Variants in ZNF536 observed in about 807,000 individuals in gnomAD.
ZNF536 encodes the protein zinc finger protein 536.
A neutral mutation model predicts 84.5 loss-of-function variants in ZNF536; 13 were observed. The observed-to-expected ratio is 0.15, with a 90% CI of 0.10 to 0.24. ZNF536 has a LOEUF of 0.24. Ranked by LOEUF, ZNF536 falls within the 10% of genes least tolerant of loss-of-function variation. ZNF536 has a pLI of 1.00. For missense variants in ZNF536, 1,536 were observed against 1,747.5 expected (o/e 0.88, Z 2.16); for synonymous variants, 811 against 742.5 (o/e 1.09, Z -1.50).
At chr19:30,475,372 G>GA (rs1167763099) in intron 2 of ZNF536, among the ~76,000 whole-genome samples, 1 of 152,180 alleles carries the variant, frequency 6.6e-6, no homozygotes, top group African/African-American at 2.4e-5. Flanking sequence ...GAAAAGCTGA[G>GA]AGGGAGGATT....
rs557947399 is a variant in ZNF536 at position 30,548,228 on chromosome 19, C to T, written c.2609C>T (p.Ser870Leu). 1.7e-5 allele frequency: 27 copies of T among 1,614,196 alleles called. No individual in the cohort carries two copies. Among genetic ancestry groups the T allele is most frequent in the African/African-American group, 9.3e-5 (7 of 75,058 alleles). ...TSGVLSSGDHSGQATGMSSEV... is the reference protein window; with the variant it reads ...TSGVLSSGDHLGQATGMSSEV... The stretch of plus-strand genomic sequence containing the variant: ...GGGGTTCTCTCCTCTGGAGATCACT[C>T]GGGGCAGGCCACGGGCATGTCTTCG... The change falls in exon 4 of 5, where the codon TCG (serine) becomes TTG (leucine). Residue 870 changes from serine (S) to leucine (L), a missense_variant. By Grantham distance (145) the Ser-to-Leu change is moderately radical. This residue lies in a region of ZNF536 where 624 missense variants were observed against 603.1 expected (regional missense o/e 1.03). Transcript: ENST00000355537.
chr19:30,411,485 T>C (rs1262684390), intron 1 of ZNF536, among the ~76,000 whole-genome samples: 3 of 152,218 alleles, frequency 2.0e-5, no homozygotes, highest in African/African-American at 7.2e-5. Context: ...ATTTCAGTGA[T>C]GACTTCTTAG....
Position 30,597,908 on chromosome 19 carries a change from GTTGTTGTATGCATATAGTTA to G in ZNF536, c.169+48428_169+48447del, listed in dbSNP as rs371197786. On this transcript the variant is annotated intron_variant, in intron 1 of 1. Coordinates refer to the ZNF536 transcript ENST00000592773. ...GTTGTGTATACATTATTTTGACATT[GTTGTTGTATGCATATAGTTA>G]TTGTTGTATGCATATAGTTATTGTT... is the stretch of plus-strand genomic sequence containing the variant. 7.2e-5 allele frequency among the ~76,000 whole-genome samples: 11 copies of G among 152,152 alleles called. No homozygotes were observed. In the East Asian group the frequency reaches 1.4e-3, roughly 19 times the overall value.
intron 3 of ZNF536, among the ~76,000 whole-genome samples, chr19:30,542,073 A>G (rs74331893): frequency 0.033 from 5,083 of 152,334 alleles, 136 homozygotes; most frequent in South Asian, 0.12. Flanking sequence ...TGCTCAACTT[A>G]AAAGTGAAAC....
chr19:30,252,850 C>T (rs966261506), intron 1 of ZNF536, among the ~76,000 whole-genome samples: 1 of 152,192 alleles, frequency 6.6e-6, no homozygotes, highest in East Asian at 1.9e-4. Context: ...ACGGATTCCC[C>T]ACTGTAGGAA....
intron 1 of ZNF536, among the ~76,000 whole-genome samples, chr19:30,683,661 T>C (rs180859992): frequency 6.6e-6 from 1 of 152,240 alleles, no homozygotes; most frequent in East Asian, 1.9e-4. Flanking sequence ...ATGAAATTGC[T>C]CACTAAATAT....
chr19:30,537,499 T>A (rs1656784597), intron 3 of ZNF536, among the ~76,000 whole-genome samples: 1 of 152,174 alleles, frequency 6.6e-6, no homozygotes, highest in African/African-American at 2.4e-5. Flanking sequence ...ACGTCAGCCT[T>A]GCAGGGTGTA....
At chr19:30,450,256 T>C (rs933606219) in intron 2 of ZNF536, among the ~76,000 whole-genome samples, 1 of 152,024 alleles carries the variant, frequency 6.6e-6, no homozygotes, top group African/African-American at 2.4e-5. Flanking sequence ...TTGGCCCAGC[T>C]GCTTCCTGCT....
intron 1 of ZNF536, among the ~76,000 whole-genome samples, chr19:30,597,911 G>T (rs950985331): frequency 6.6e-6 from 1 of 152,044 alleles, no homozygotes; most frequent in African/African-American, 2.4e-5. Context: ...TGACATTGTT[G>T]TTGTATGCAT....
In ZNF536 at chr19:30,552,418, A is replaced by G. The variant is rs181781582; in HGVS notation, c.3895+2904A>G. Among the ~76,000 whole-genome samples, 83 of 152,336 alleles carry G rather than the reference A, an allele frequency of 5.4e-4. 1 individual carries two copies. The highest frequency in any genetic ancestry group is 6.8e-3 in the Middle Eastern group (2 of 294). On this transcript the variant is annotated intron_variant, in intron 4 of 4. Coordinates refer to ENST00000355537, the MANE Select transcript of ZNF536 (RefSeq NM_014717.3). ...GGAGCTAATGTTCCCATGTTTCTTA[A>G]GGAAGGGCTCTGTTCTCAAGGGGTG...
At chr19:30,627,201 C>A (rs764908540) in intron 1 of ZNF536, among the ~76,000 whole-genome samples, 3 of 151,970 alleles carry the variant, frequency 2.0e-5, no homozygotes, top group African/African-American at 4.8e-5. Context: ...GCTGGGTGCT[C>A]ACGCCTATCA....
chr19:30,704,262 G>A lies in ZNF536; in HGVS notation c.170-6495G>A, dbSNP rs149409243. Among the ~76,000 whole-genome samples the A allele has an allele frequency of 5.8e-3, 883 of 152,314 alleles. 6 individuals are homozygous for A. The highest frequency in any genetic ancestry group is 8.8e-3 in the Non-Finnish European group (600 of 68,034). On this transcript the variant is annotated intron_variant, in intron 1 of 1. Coordinates refer to the ZNF536 transcript ENST00000592773. ...GCATCTTCAACATTGATGGACATTA[G>A]CATCTTCCTTACACCTCTAGGAATC...
chr19:30,617,361 T>TTTTTTTTTTTTTTTTTC (rs2048337083), intron 1 of ZNF536, among the ~76,000 whole-genome samples: 1 of 108,156 alleles, frequency 9.2e-6, no homozygotes, highest in African/African-American at 4.0e-5. Flanking sequence ...TTTTTTTTTT[T>TTTTTTTTTTTTTTTTTC]TTTTTATGAG....
intron 1 of ZNF536, among the ~76,000 whole-genome samples, chr19:30,385,710 C>A (rs578043175): frequency 6.6e-6 from 1 of 152,314 alleles, no homozygotes; most frequent in East Asian, 1.9e-4. Context: ...TCCTTCTACC[C>A]ATATTCCACC....
chr19:30,383,106 A>G (rs1377728565), intron 1 of ZNF536, among the ~76,000 whole-genome samples: 1 of 152,200 alleles, frequency 6.6e-6, no homozygotes, highest in Non-Finnish European at 1.5e-5. Context: ...TCTGGTTAAC[A>G]TGGTGAAACC....
At chr19:30,436,671 T>C (rs1751860723) in intron 1 of ZNF536, among the ~76,000 whole-genome samples, 2 of 152,210 alleles carry the variant, frequency 1.3e-5, no homozygotes, top group South Asian at 2.1e-4. Flanking sequence ...GCTACAACAA[T>C]TGGAAAAATA....
rs561261844 is a variant in ZNF536 at position 30,434,982 on chromosome 19, G to A, written c.-2-8579G>A. On this transcript the variant is annotated intron_variant, in intron 1 of 4. Transcript: ENST00000355537. ...GGTGATGATACTGGTGATGATGATCGTGGTGATGATGGTGATGGTGGTGAT... is the reference window on the plus strand; with the variant it reads ...GGTGATGATACTGGTGATGATGATCATGGTGATGATGGTGATGGTGGTGAT... Among the ~76,000 whole-genome samples the A allele has an allele frequency of 6.4e-3, 961 of 150,756 alleles. 9 individuals are homozygous for A. Among genetic ancestry groups the A allele is most frequent in the African/African-American group, 0.021 (851 of 41,116 alleles).
intron 2 of ZNF536, among the ~76,000 whole-genome samples, chr19:30,514,538 G>T (rs2055553974): frequency 6.6e-6 from 1 of 152,118 alleles, no homozygotes; most frequent in Non-Finnish European, 1.5e-5. Flanking sequence ...CAGTAGACGG[G>T]AAGACCCAGT....
At chr19:30,405,949 T>G (rs2147601217) in intron 1 of ZNF536, among the ~76,000 whole-genome samples, 1 of 152,240 alleles carries the variant, frequency 6.6e-6, no homozygotes, top group South Asian at 2.1e-4. Context: ...AGATAATTTT[T>G]GTATTTTTCG....
Sources: allele counts gnomAD v4.1 joint callset (sites outside exome capture counted in the v4.1 genomes callset), GRCh38; gene constraint gnomAD v4.1.1; regional missense constraint gnomAD v4.1.1; transcripts MANE v1.5; gene names NCBI Gene and HGNC (gene_info 2026-07-23, HGNC 2026-07-21).